ABCA4: variants seen among roughly 807,000 people sequenced by gnomAD.
ABCA4 encodes the protein retinal-specific phospholipid-transporting ATPase ABCA4.
A neutral mutation model predicts 263.7 loss-of-function variants in ABCA4; 196 were observed. That is an observed-to-expected ratio of 0.74 (90% CI 0.66 to 0.84). The LOEUF is 0.84. Among genes scored for constraint, ABCA4 ranks in the 40% least tolerant of loss-of-function variants. The pLI is 0.00. For missense variants in ABCA4, 2,792 were observed against 2,855.1 expected (o/e 0.98, Z 0.50); for synonymous variants, 1,133 against 1,094.2 (o/e 1.04, Z -0.70).
intron 1 of ABCA4, among the ~76,000 whole-genome samples, chr1:94,117,572 G>A (rs931892379): frequency 3.9e-5 from 6 of 152,094 alleles, no homozygotes; most frequent in East Asian, 1.9e-4. Context: ...CTGACACAGC[G>A]CCAGGTCCAC....
At position 94,061,217 on chromosome 1, in the gene ABCA4, A is replaced by T. The variant is rs537414524; in HGVS notation, c.1938-458T>A. 2.0e-5 allele frequency among the ~76,000 whole-genome samples: 3 copies of T among 152,342 alleles called. No individual in the cohort carries two copies. The South Asian group carries it at 6.2e-4, about 32-fold the overall frequency. On this transcript the variant is annotated intron_variant, in intron 13 of 49. Transcript: ENST00000370225. ...CCCAAGGGGTCAGCCGCCCCAGCAC[A>T]GTCTGCCCTGGAAGGTCAAACCCTA...
At chr1:94,106,135 C>T (rs12072954) in intron 4 of ABCA4, among the ~76,000 whole-genome samples, 7,321 of 152,252 alleles carry the variant, frequency 0.048, 536 homozygotes, top group African/African-American at 0.16. Flanking sequence ...GCAGAGCCCC[C>T]ATTCCTAGGG....
Position 94,031,512 on chromosome 1 carries a change from T to C in ABCA4, c.4128+266A>G, listed in dbSNP as rs532562192. Reference sequence around the variant, plus strand: ...TGCAAAAATGAATGAAAACATGACTTTATCCCTCACTGTAAAAATAAAAAC... The same window carrying C: ...TGCAAAAATGAATGAAAACATGACTCTATCCCTCACTGTAAAAATAAAAAC... On this transcript the variant is annotated intron_variant, in intron 27 of 49. Coordinates refer to ENST00000370225, the MANE Select transcript of ABCA4 (RefSeq NM_000350.3). Among the ~76,000 whole-genome samples the C allele has an allele frequency of 6.6e-5, 10 of 152,350 alleles. No homozygotes were observed. The South Asian group carries it at 2.1e-3, about 32-fold the overall frequency.
chr1:93,994,539 G>T (rs1658946306), intron 49 of ABCA4, among the ~76,000 whole-genome samples: 1 of 152,014 alleles, frequency 6.6e-6, no homozygotes, highest in South Asian at 2.1e-4. Flanking sequence ...ATACTTTAAA[G>T]GAAATTATTT....
chr1:94,000,739 G>T, intron 47 of ABCA4, 97 bp downstream of exon 47: 1 of 1,300,800 alleles, frequency 7.7e-7, no homozygotes, highest in Non-Finnish European at 1.1e-6. Context: ...CCCAGGGGAT[G>T]ACGGAGCAGC....
At chr1:94,080,015 G>C in intron 8 of ABCA4, among the ~76,000 whole-genome samples, 1 of 151,810 alleles carries the variant, frequency 6.6e-6, no homozygotes, top group Non-Finnish European at 1.5e-5. Context: ...AATAGTGAAA[G>C]GTGGGGAAGA....
At chr1:94,021,754 T>G in intron 33 of ABCA4, 40 bp from the exon 34 acceptor site, 1 of 1,610,330 alleles carries the variant, frequency 6.2e-7, no homozygotes, top group African/African-American at 1.3e-5. Flanking sequence ...CGGTTTTAAT[T>G]TTTTTTTCCT....
In ABCA4 at chr1:94,041,374, G is replaced by A. The variant is rs200322545; in HGVS notation, c.3357C>T (p.His1119=). The A allele has an allele frequency of 1.2e-6, 2 of 1,614,060 alleles. No individual in the cohort carries two copies. Among genetic ancestry groups the A allele is most frequent in the Non-Finnish European group, 1.7e-6 (2 of 1,180,034 alleles). The change falls in exon 23 of 50, where the codon CAC becomes CAT. Residue 1119 remains histidine (H), a synonymous_variant. Transcript: ENST00000370225. ...SGRTIIMSTH[H]MDEADLLGDR... is the part of the protein sequence containing the mutation. ...CCCCAAGGAGGTCGGCCTCGTCCAT[G>A]TGGTGAGTGGACATGATGATGGTTC... is the stretch of plus-strand genomic sequence containing the variant.
intron 11 of ABCA4, among the ~76,000 whole-genome samples, chr1:94,069,267 G>T (rs1041840223): frequency 6.6e-6 from 1 of 152,214 alleles, no homozygotes. Context: ...TTCAGTAACA[G>T]ATACATTAAA....
intron 16 of ABCA4, among the ~76,000 whole-genome samples, chr1:94,054,078 T>C (rs1238270021): frequency 1.3e-5 from 2 of 152,252 alleles, no homozygotes; most frequent in African/African-American, 2.4e-5. Context: ...GGGGCAGCTC[T>C]AGTTACCAGA....
intron 5 of ABCA4, 114 bp from the exon 6 acceptor site, chr1:94,099,105 G>A (rs138787050): frequency 1.3e-5 from 16 of 1,204,896 alleles, no homozygotes; most frequent in African/African-American, 4.5e-5. Context: ...AATTAAGATC[G>A]CAGATGGGAT....
At chr1:94,099,177 C>T (rs964774571) in intron 5 of ABCA4, among the ~76,000 whole-genome samples, 186 bp from the exon 6 acceptor site, 6 of 152,024 alleles carry the variant, frequency 3.9e-5, no homozygotes, top group Non-Finnish European at 8.8e-5. Context: ...TAGGTGGGCC[C>T]CTGTGTAATC....
At chr1:94,015,900 GCTGCCAGCT>G (rs750008904) in intron 36 of ABCA4, 46 bp from the exon 37 acceptor site, 760 of 1,530,016 alleles carry the variant, frequency 5.0e-4, no homozygotes, top group Non-Finnish European at 6.5e-4. Context: ...TCTCAGACCT[GCTGCCAGCT>G]CTGCAAAATG....
In ABCA4 at chr1:94,056,625, C is replaced by T; in HGVS notation, c.2358G>A (p.Met786Ile). 6.2e-7 allele frequency: 1 copy of T among 1,613,432 alleles called. No individual in the cohort carries two copies. The highest frequency in any genetic ancestry group is 8.5e-7 in the Non-Finnish European group (1 of 1,180,030). Residue 786 changes from methionine to isoleucine, a missense_variant, in exon 15 of 50, where the codon ATG becomes ATA. Transcript: ENST00000370225. ...CCACAGCCTTCTTCAGCTCAGCGGT[C>T]ATGCGGTCCTGCCAGGCGAAGCACA... The part of the protein sequence containing the change: ...HILCFAWQDR[M>I]TAELKKAVSL...
chr1:93,996,544 T>C (rs529572271), intron 48 of ABCA4, among the ~76,000 whole-genome samples: 1 of 152,306 alleles, frequency 6.6e-6, no homozygotes, highest in South Asian at 2.1e-4. Flanking sequence ...CAGCTCCTCA[T>C]TGAGTGTGCA....
rs376624031 is a variant in ABCA4, at chr1:94,079,406, G to A, written c.1155C>T (p.Ile385=). ...GCAAAGGCTTTGCCGCCCTCCAAGCGATTTTGGTTAAAGGATTTGACTCCA... is the reference window on the plus strand; with the variant it reads ...GCAAAGGCTTTGCCGCCCTCCAAGCAATTTTGGTTAAAGGATTTGACTCCA... The part of the protein sequence containing the change: ...QSLESNPLTK[I]AWRAAKPLLM... Residue 385 remains isoleucine (I), a synonymous_variant, in exon 9 of 50, where the codon ATC becomes ATT. Transcript: ENST00000370225. 1.8e-4 allele frequency: 298 copies of A among 1,614,138 alleles called. No individual in the cohort carries two copies. The highest frequency in any genetic ancestry group is 2.3e-4 in the Non-Finnish European group (266 of 1,180,018).
In ABCA4 at chr1:94,103,131, G is replaced by A. The variant is rs62646861; in HGVS notation, c.454C>T (p.Arg152Ter). ...TCATCTTTCAAGATATCCCTTATTC[G>A]TATTCCTCTTCCTACATATGAATAA... ...HPERIAGRGI[R>*]IRDILKDEET... Residue 152 changes from arginine to a stop codon, truncating the protein, a stop_gained, in exon 5 of 50, where the codon CGA (arginine) becomes TGA (stop). Coordinates refer to ENST00000370225, the MANE Select transcript of ABCA4 (RefSeq NM_000350.3). LOFTEE classifies it high-confidence loss of function. 24 of 1,613,738 alleles carry A rather than the reference G, an allele frequency of 1.5e-5. No homozygotes were observed. The highest frequency in any genetic ancestry group is 1.7e-5 in the Non-Finnish European group (20 of 1,179,884).
At position 94,063,224 on chromosome 1, in the gene ABCA4, C is replaced by A; in HGVS notation, c.1648G>T (p.Gly550Ter). The A allele has an allele frequency of 6.2e-7, 1 of 1,614,092 alleles. No individual in the cohort carries two copies. Among genetic ancestry groups the A allele is most frequent in the Non-Finnish European group, 8.5e-7 (1 of 1,179,984 alleles). Residue 550 changes from glycine to a stop codon, truncating the protein, a stop_gained, in exon 12 of 50, where the codon GGA (glycine) becomes TGA (stop). Coordinates refer to ENST00000370225, the MANE Select transcript of ABCA4 (RefSeq NM_000350.3). LOFTEE classifies it high-confidence loss of function. ...GGATACATGTCAGGGAATACCACTC[C>A]GGCCCAGAACATGTTTTCCTCCAGT... ...SLLEENMFWA[G>*]VVFPDMYPWT... is the part of the protein sequence containing the mutation.
At chr1:94,054,563 G>T (rs1179501513) in intron 16 of ABCA4, among the ~76,000 whole-genome samples, 1 of 152,214 alleles carries the variant, frequency 6.6e-6, no homozygotes. Flanking sequence ...CTTCTGGCAT[G>T]AGAACAGCAG....
Sources: allele counts gnomAD v4.1 joint callset (sites outside exome capture counted in the v4.1 genomes callset), GRCh38; gene constraint gnomAD v4.1.1; transcripts MANE v1.5; gene names NCBI Gene and HGNC (gene_info 2026-07-23, HGNC 2026-07-21).